Variants in CSMD1 observed in about 807,000 individuals in gnomAD.
CSMD1 encodes CUB and sushi domain-containing protein 1.
In CSMD1, 213 loss-of-function variants were observed where a neutral mutation model predicts 417.5. The observed-to-expected ratio is 0.51, with a 90% CI of 0.46 to 0.57. The LOEUF is 0.57. Among genes scored for constraint, CSMD1 ranks in the 20% least tolerant of loss-of-function variants. The probability of loss-of-function intolerance (pLI) is 0.00; values close to 1 mark genes in which losing one functional copy is unlikely to be tolerated. For synonymous variants in CSMD1, 2,862 were observed against 1,736.8 expected, an observed-to-expected ratio of 1.65 and a Z score of -16.11; for missense variants, 6,923 against 4,529.7, an observed-to-expected ratio of 1.53 and a Z score of -15.17.
intron 3 of CSMD1, among the ~76,000 whole-genome samples, chr8:4,053,440 C>G (rs573851077): frequency 6.6e-6 from 1 of 152,006 alleles, no homozygotes; most frequent in Admixed American, 6.6e-5. Flanking sequence ...TTATCATGGT[C>G]TCGGTGGGGA....
intron 7 of CSMD1, among the ~76,000 whole-genome samples, chr8:3,676,578 T>C (rs1022966058): frequency 2.0e-5 from 3 of 152,230 alleles, no homozygotes; most frequent in African/African-American, 4.8e-5. Flanking sequence ...TAAAATCATA[T>C]ACACGGATAT....
At chr8:2,972,341 TACA>T (rs1804531933) in intron 57 of CSMD1, among the ~76,000 whole-genome samples, 1 of 152,234 alleles carries the variant, frequency 6.6e-6, no homozygotes, top group Non-Finnish European at 1.5e-5. Flanking sequence ...GTTTCATACA[TACA>T]ACAATACATA....
At chr8:3,863,615 A>AT (rs1358536320) in intron 5 of CSMD1, among the ~76,000 whole-genome samples, 2 of 152,172 alleles carry the variant, frequency 1.3e-5, no homozygotes, top group African/African-American at 2.4e-5. Flanking sequence ...AGTAGGATGT[A>AT]TGTTTTGTTC....
intron 54 of CSMD1, among the ~76,000 whole-genome samples, chr8:2,989,915 C>T (rs1363693501): frequency 6.6e-6 from 1 of 152,082 alleles, no homozygotes; most frequent in Non-Finnish European, 1.5e-5. Context: ...CTTAAAGACA[C>T]GAATAATTGT....
intron 7 of CSMD1, among the ~76,000 whole-genome samples, chr8:3,622,118 A>G (rs187748622): frequency 4.1e-4 from 63 of 152,172 alleles, no homozygotes; most frequent in African/African-American, 1.5e-3. Flanking sequence ...ACAGTTCTCA[A>G]TGAGTAAGCA....
intron 10 of CSMD1, among the ~76,000 whole-genome samples, chr8:3,539,123 G>C (rs1417514039): frequency 7.9e-5 from 12 of 152,194 alleles, no homozygotes; most frequent in Non-Finnish European, 1.6e-4. Context: ...GCGGATAGCA[G>C]GGACCGCTTG....
chr8:3,429,763 G>C (rs1321577022), intron 12 of CSMD1, among the ~76,000 whole-genome samples: 2 of 152,078 alleles, frequency 1.3e-5, no homozygotes, highest in Non-Finnish European at 2.9e-5. Context: ...AAAGTCTATG[G>C]TTGTTGTTTT....
chr8:2,980,929 G>C (rs1353235386), intron 54 of CSMD1, among the ~76,000 whole-genome samples: 2 of 152,244 alleles, frequency 1.3e-5, no homozygotes, highest in Non-Finnish European at 2.9e-5. Flanking sequence ...AATATTCCTT[G>C]AGCCCCATGT....
chr8:3,474,404 G>A (rs141238720), intron 11 of CSMD1, among the ~76,000 whole-genome samples: 4 of 151,996 alleles, frequency 2.6e-5, no homozygotes, highest in African/African-American at 9.6e-5. Flanking sequence ...TGTTTTCTTG[G>A]CAAACAAACA....
At chr8:4,590,267 G>C (rs1220248780) in intron 2 of CSMD1, among the ~76,000 whole-genome samples, 1 of 151,948 alleles carries the variant, frequency 6.6e-6, no homozygotes, top group African/African-American at 2.4e-5. Context: ...GAGAGATGGT[G>C]ACCATGGGGA....
chr8:4,737,424 T>G (rs1320963723), intron 1 of CSMD1, among the ~76,000 whole-genome samples: 1 of 152,118 alleles, frequency 6.6e-6, no homozygotes, highest in Admixed American at 6.6e-5. Flanking sequence ...AGATAATCTG[T>G]ACCACAAATT....
intron 2 of CSMD1, among the ~76,000 whole-genome samples, chr8:4,430,769 C>A (rs4875344): frequency 0.18 from 26,906 of 152,062 alleles, 2,529 homozygotes; most frequent in South Asian, 0.28. Context: ...TTATGACAAT[C>A]AAACCATTTA....
chr8:4,321,632 C>G (rs548945353), intron 3 of CSMD1, among the ~76,000 whole-genome samples: 19 of 152,134 alleles, frequency 1.2e-4, no homozygotes, highest in Non-Finnish European at 2.5e-4. Flanking sequence ...TCTGCTCTAC[C>G]TCTGCAAAGT....
intron 1 of CSMD1, among the ~76,000 whole-genome samples, chr8:4,723,100 A>T (rs886456804): frequency 5.3e-5 from 8 of 152,172 alleles, no homozygotes; most frequent in Non-Finnish European, 8.8e-5. Flanking sequence ...CTGGATACTT[A>T]TATATCTGAC....
chr8:4,025,367 T>C (rs1797007804), intron 4 of CSMD1, among the ~76,000 whole-genome samples: 1 of 152,224 alleles, frequency 6.6e-6, no homozygotes, highest in Admixed American at 6.5e-5. Context: ...TCTATTTCCC[T>C]GTAGGACCCT....
intron 1 of CSMD1, among the ~76,000 whole-genome samples, chr8:4,835,912 G>C (rs1800449184): frequency 6.6e-6 from 1 of 151,936 alleles, no homozygotes; most frequent in Non-Finnish European, 1.5e-5. Context: ...GGAAATGTAA[G>C]TACAGATTAT....
intron 1 of CSMD1, among the ~76,000 whole-genome samples, chr8:4,655,930 G>C (rs910939041): frequency 2.6e-5 from 4 of 152,156 alleles, no homozygotes; most frequent in African/African-American, 7.2e-5. Context: ...GTTAGGCTCA[G>C]AGAAGACACA....
rs183840956 is a variant in CSMD1 at position 4,143,486 on chromosome 8, G to A, written c.416-111387C>T. Among the ~76,000 whole-genome samples, 16 of 150,108 alleles carry A rather than the reference G, an allele frequency of 1.1e-4. 2 individuals are homozygous for A. The highest frequency in any genetic ancestry group is 3.8e-4 in the African/African-American group (15 of 39,878). On this transcript the variant is annotated intron_variant, in intron 3 of 69. Coordinates refer to ENST00000635120, the MANE Select transcript of CSMD1 (RefSeq NM_033225.6). ...GGAGGTGTTTAATATATGGCTCATA[G>A]TTAAAGCTGGTTAAACTAAAGAAGA...
chr8:4,987,209 G>T (rs1187036242), intron 1 of CSMD1, among the ~76,000 whole-genome samples: 2 of 152,078 alleles, frequency 1.3e-5, no homozygotes, highest in African/African-American at 4.8e-5. Context: ...CACTTATTCA[G>T]AATCATTTGG....
Sources: allele counts gnomAD v4.1 joint callset (sites outside exome capture counted in the v4.1 genomes callset), GRCh38; gene constraint gnomAD v4.1.1; transcripts MANE v1.5; gene names NCBI Gene and HGNC (gene_info 2026-07-23, HGNC 2026-07-21).